The following BAALC variants were observed in gnomAD, a reference collection of about 807,000 sequenced individuals.
BAALC encodes brain and acute leukemia cytoplasmic protein.
BAALC carries 9 observed loss-of-function variants against 15.5 expected under a neutral mutation model. The observed-to-expected ratio is 0.58, with a 90% CI of 0.35 to 1.02. The LOEUF (loss-of-function observed/expected upper bound fraction) is 1.02. BAALC is among the 50% of genes least tolerant of loss of function. BAALC has a pLI of 0.02. For synonymous variants in BAALC, 80 were observed against 74.6 expected, an observed-to-expected ratio of 1.07 and a Z score of -0.37; for missense variants, 201 against 192.4, an observed-to-expected ratio of 1.04 and a Z score of -0.27.
chr8:103,198,773 T>A (rs1233749555), intron 1 of BAALC, among the ~76,000 whole-genome samples: 1 of 149,582 alleles, frequency 6.7e-6, no homozygotes, highest in East Asian at 1.9e-4. Context: ...TTGCCAGGTG[T>A]GGTGGTGCAC....
At position 103,140,974 on chromosome 8, in the gene BAALC, C is replaced by T; in HGVS notation, c.77C>T (p.Thr26Ile). 6.5e-7 allele frequency: 1 copy of T among 1,540,172 alleles called. No homozygotes were observed. The highest frequency in any genetic ancestry group is 8.7e-7 in the Non-Finnish European group (1 of 1,144,446). Residue 26 changes from threonine (T) to isoleucine (I), a missense_variant, in exon 1 of 3, where the codon ACC (threonine) becomes ATC (isoleucine). Transcript: ENST00000309982. The surrounding 1 kb of genome is among the most constrained non-coding windows in gnomAD (Gnocchi z 4.2). The stretch of plus-strand genomic sequence containing the variant: ...AGCTGGACCCGGGAGACAGAATCCA[C>T]CTGGCTCACCTACACCGACTCGGAC... ...YESWTRETES[T>I]WLTYTDSDAP...
chr8:103,181,734 T>C (rs1006511902), intron 1 of BAALC, among the ~76,000 whole-genome samples: 1 of 152,200 alleles, frequency 6.6e-6, no homozygotes, highest in African/African-American at 2.4e-5. Context: ...ATTTGGTTAA[T>C]AGTAGCTGAT....
intron 1 of BAALC, among the ~76,000 whole-genome samples, chr8:103,149,728 A>G (rs1020358296): frequency 9.8e-5 from 15 of 152,352 alleles, no homozygotes; most frequent in Non-Finnish European, 2.2e-4. Flanking sequence ...GAATGGAGGA[A>G]GAGAAAGGGG....
At chr8:103,163,015 A>G (rs765345032) in intron 1 of BAALC, among the ~76,000 whole-genome samples, 6 of 152,124 alleles carry the variant, frequency 3.9e-5, no homozygotes, top group Non-Finnish European at 5.9e-5. Context: ...TGAAACTCTT[A>G]TCACAAAGAG....
At chr8:103,175,068 C>T (rs1000835765) in intron 1 of BAALC, among the ~76,000 whole-genome samples, 1 of 152,208 alleles carries the variant, frequency 6.6e-6, no homozygotes, top group African/African-American at 2.4e-5. Context: ...GCGGAACTTC[C>T]TCACTCCCTG....
At chr8:103,158,009 A>C (rs564250018) in intron 1 of BAALC, among the ~76,000 whole-genome samples, 1 of 152,276 alleles carries the variant, frequency 6.6e-6, no homozygotes, top group East Asian at 1.9e-4. Context: ...CCAGTGCCCA[A>C]ATTTTCCCAA....
chr8:103,214,561 A>G (rs1027266199), intron 2 of BAALC, among the ~76,000 whole-genome samples: 1 of 152,242 alleles, frequency 6.6e-6, no homozygotes, highest in Non-Finnish European at 1.5e-5. Flanking sequence ...TCTTGCTCAT[A>G]TCAGTGAGTT....
chr8:103,182,564 G>A (rs893536775), intron 1 of BAALC, among the ~76,000 whole-genome samples: 14 of 152,318 alleles, frequency 9.2e-5, no homozygotes, highest in African/African-American at 3.4e-4. Context: ...ACAGGTAGGA[G>A]CAGATAGGAA....
chr8:103,194,721 G>A (rs1181318074), intron 1 of BAALC, among the ~76,000 whole-genome samples: 1 of 152,218 alleles, frequency 6.6e-6, no homozygotes, highest in Admixed American at 6.5e-5. Context: ...AGCAGGTTCA[G>A]TGTTTGGGGA....
chr8:103,208,166 G>C (rs1298368185), intron 1 of BAALC: 1 of 152,290 alleles, frequency 6.6e-6, no homozygotes, highest in African/African-American at 2.4e-5. Flanking sequence ...AAGAGGCGGG[G>C]ATAGGCTGTG....
At chr8:103,181,646 T>C (rs569467063) in intron 1 of BAALC, among the ~76,000 whole-genome samples, 1 of 152,336 alleles carries the variant, frequency 6.6e-6, no homozygotes, top group Admixed American at 6.5e-5. Flanking sequence ...TCTGTCTTAG[T>C]GTACATTGAT....
At chr8:103,149,850 A>G (rs1810947295) in intron 1 of BAALC, among the ~76,000 whole-genome samples, 1 of 152,106 alleles carries the variant, frequency 6.6e-6, no homozygotes, top group Admixed American at 6.5e-5. Context: ...TGATTCCTCC[A>G]TGTTTCCCTC....
At chr8:103,205,477 A>T (rs1373335196) in intron 1 of BAALC, among the ~76,000 whole-genome samples, 1 of 152,218 alleles carries the variant, frequency 6.6e-6, no homozygotes. Flanking sequence ...AAAAATATAC[A>T]TGAGTACTTT....
chr8:103,199,715 C>T (rs1812172079), intron 1 of BAALC, among the ~76,000 whole-genome samples: 1 of 151,408 alleles, frequency 6.6e-6, no homozygotes, highest in African/African-American at 2.4e-5. Flanking sequence ...CACAGGTAAA[C>T]TTGTGTCATG....
Position 103,140,996 on chromosome 8 carries a change from G to A in BAALC, c.99G>A (p.Ser33=), listed in dbSNP as rs758608273. 63 of 1,529,496 alleles carry A rather than the reference G, an allele frequency of 4.1e-5. No individual in the cohort carries two copies. The highest frequency in any genetic ancestry group is 1.7e-4 in the Middle Eastern group (1 of 5,786). 94.7% of individuals were successfully genotyped at this position (1,529,496 alleles called of 1,614,324 possible). A position where few individuals can be genotyped will look rare whatever the true frequency, so the allele number is the denominator to read the frequency against. ...CCACCTGGCTCACCTACACCGACTC[G>A]GACGCGCCGCCCAGCGCCGCCGCCC... ...TESTWLTYTD[S]DAPPSAAAPD... The change falls in exon 1 of 3, where the codon TCG becomes TCA. Residue 33 remains serine, a synonymous_variant. Transcript: ENST00000309982. The surrounding 1 kb of genome is among the most constrained non-coding windows in gnomAD (Gnocchi z 4.2).
At chr8:103,172,224 T>C (rs1035671819) in intron 1 of BAALC, 1 of 152,018 alleles carries the variant, frequency 6.6e-6, no homozygotes, top group Non-Finnish European at 1.5e-5. Flanking sequence ...AACATTTGAC[T>C]AGCTCTTGGC....
chr8:103,198,555 T>C (rs1812145432), intron 1 of BAALC, among the ~76,000 whole-genome samples: 1 of 152,120 alleles, frequency 6.6e-6, no homozygotes, highest in Non-Finnish European at 1.5e-5. Flanking sequence ...TGTATATGTG[T>C]GTGTATGTAT....
intron 2 of BAALC, among the ~76,000 whole-genome samples, chr8:103,222,908 TC>T (rs1317974895): frequency 6.6e-6 from 1 of 152,218 alleles, no homozygotes; most frequent in Non-Finnish European, 1.5e-5. Context: ...ACTGACATCA[TC>T]TTTTTACAAA....
intron 1 of BAALC, among the ~76,000 whole-genome samples, chr8:103,170,916 C>G (rs1208884040): frequency 6.6e-6 from 1 of 152,200 alleles, no homozygotes; most frequent in Non-Finnish European, 1.5e-5. Context: ...CATTTGTTAT[C>G]TGGCAGTTTC....
Sources: gnomAD v4.1 joint callset for allele counts (sites outside exome capture counted in the v4.1 genomes callset) on GRCh38, gnomAD v4.1.1 for gene constraint, Gnocchi (gnomAD v3.1) non-coding constraint, MANE v1.5 for transcripts, NCBI Gene and HGNC (gene_info 2026-07-23, HGNC 2026-07-21) for gene names.